Variants in CLVS1 observed in about 807,000 individuals in gnomAD.
CLVS1 encodes the protein clavesin-1.
Under a neutral mutation model 33.1 loss-of-function variants are expected in CLVS1, and 10 were observed. The observed-to-expected ratio is 0.30, with a 90% CI of 0.19 to 0.51. CLVS1 has a LOEUF of 0.51. CLVS1 is among the 20% of genes least tolerant of loss of function. The probability of loss-of-function intolerance (pLI) is 0.97; values close to 1 mark genes in which losing one functional copy is unlikely to be tolerated. For missense variants in CLVS1, 343 were observed against 433.4 expected, an observed-to-expected ratio of 0.79 and a Z score of 1.85; for synonymous variants, 163 against 166.1, an observed-to-expected ratio of 0.98 and a Z score of 0.14.
rs969185164 is a variant in CLVS1 at position 61,386,126 on chromosome 8, T to C, written c.630+9347T>C. ...TCTTTATGAGCAAGAACTGAGGGGA[T>C]TGGACTGCAGCAGTGGTTCTCATAC... On this transcript the variant is annotated intron_variant, in intron 3 of 5. Coordinates refer to ENST00000325897, the MANE Select transcript of CLVS1 (RefSeq NM_173519.3). 8.5e-5 allele frequency among the ~76,000 whole-genome samples: 13 copies of C among 152,178 alleles called. No homozygotes were observed. In the South Asian group the frequency reaches 1.9e-3, roughly 22 times the overall value.
At chr8:61,202,773 G>T (rs888115250) in intron 2 of CLVS1, 2 of 1,551,336 alleles carry the variant, frequency 1.3e-6, no homozygotes, top group Non-Finnish European at 1.8e-6. Context: ...TATCTGGAAA[G>T]CGATCTGCCC....
intron 5 of CLVS1, among the ~76,000 whole-genome samples, chr8:61,480,426 T>C (rs1818142208): frequency 6.6e-6 from 1 of 152,152 alleles, no homozygotes; most frequent in Admixed American, 6.5e-5. Context: ...GTTAAGCCCA[T>C]TGGAAAAGCG....
chr8:61,442,386 G>A (rs550246884), intron 3 of CLVS1, among the ~76,000 whole-genome samples: 17 of 152,142 alleles, frequency 1.1e-4, no homozygotes, highest in Non-Finnish European at 2.2e-4. Context: ...ATTACAAATA[G>A]AGCTGCTGTG....
At chr8:61,231,029 G>T (rs1306544511) in intron 2 of CLVS1, among the ~76,000 whole-genome samples, 1 of 152,030 alleles carries the variant, frequency 6.6e-6, no homozygotes, top group Non-Finnish European at 1.5e-5. Flanking sequence ...CATCACCTTG[G>T]GGATTAGGTT....
chr8:61,067,569 TA>T (rs1356413632), intron 1 of CLVS1, among the ~76,000 whole-genome samples: 1 of 151,892 alleles, frequency 6.6e-6, no homozygotes, highest in Non-Finnish European at 1.5e-5. Flanking sequence ...AACTATTTTT[TA>T]AAAAGCTAAC....
intron 2 of CLVS1, among the ~76,000 whole-genome samples, chr8:61,205,992 T>C (rs1563444603): frequency 6.6e-6 from 1 of 152,194 alleles, no homozygotes; most frequent in Non-Finnish European, 1.5e-5. Flanking sequence ...AGAATATGTC[T>C]AGTTAGCAAA....
At chr8:61,488,254 G>T (rs919193523) in intron 5 of CLVS1, among the ~76,000 whole-genome samples, 10 of 152,110 alleles carry the variant, frequency 6.6e-5, no homozygotes, top group African/African-American at 2.2e-4. Flanking sequence ...AAACCTATAC[G>T]CATAGAATTT....
the CLVS1 span, among the ~76,000 whole-genome samples, chr8:61,016,660 T>C: frequency 6.6e-6 from 1 of 152,234 alleles, no homozygotes; most frequent in Admixed American, 6.5e-5. Context: ...GAAAACTGCA[T>C]GTGCATACAT....
At chr8:60,996,168 A>T in the CLVS1 span, among the ~76,000 whole-genome samples, 1 of 152,254 alleles carries the variant, frequency 6.6e-6, no homozygotes, top group Non-Finnish European at 1.5e-5. Context: ...ATAATAAAAA[A>T]AAAATTCTTT....
chr8:61,163,846 G>A (rs963062080), intron 2 of CLVS1, among the ~76,000 whole-genome samples: 1 of 152,216 alleles, frequency 6.6e-6, no homozygotes, highest in African/African-American at 2.4e-5. Context: ...CAGATCTGGA[G>A]GGGTGGAAGT....
chr8:61,296,666 G>A (rs1810222800), intron 1 of CLVS1, among the ~76,000 whole-genome samples: 1 of 152,174 alleles, frequency 6.6e-6, no homozygotes, highest in Admixed American at 6.5e-5. Flanking sequence ...CTCATTTAAG[G>A]ATAAACTGTC....
At chr8:61,209,918 C>A (rs745548851) in intron 2 of CLVS1, among the ~76,000 whole-genome samples, 25 of 152,110 alleles carry the variant, frequency 1.6e-4, no homozygotes, top group Non-Finnish European at 3.5e-4. Context: ...GATGTAACTC[C>A]CATGATTTGA....
chr8:61,098,084 C>T (rs1805384459), intron 1 of CLVS1, among the ~76,000 whole-genome samples: 1 of 152,066 alleles, frequency 6.6e-6, no homozygotes, highest in South Asian at 2.1e-4. Flanking sequence ...TGCTTGATCC[C>T]AGGAGTATGA....
At chr8:61,330,257 A>G (rs1463857137) in intron 2 of CLVS1, among the ~76,000 whole-genome samples, 1 of 152,190 alleles carries the variant, frequency 6.6e-6, no homozygotes, top group Non-Finnish European at 1.5e-5. Flanking sequence ...AAGAAACCTC[A>G]TGGTAAAGAA....
intron 2 of CLVS1, among the ~76,000 whole-genome samples, chr8:61,331,144 G>A (rs1811576833): frequency 6.6e-6 from 1 of 152,132 alleles, no homozygotes; most frequent in Non-Finnish European, 1.5e-5. Flanking sequence ...AAATTTGTAG[G>A]TTGGAAATTG....
chr8:61,249,593 A>G (rs1210389115), intron 2 of CLVS1, among the ~76,000 whole-genome samples: 1 of 152,114 alleles, frequency 6.6e-6, no homozygotes, highest in African/African-American at 2.4e-5. Context: ...TTATTTCCTG[A>G]CTTTTTAATG....
intron 3 of CLVS1, among the ~76,000 whole-genome samples, chr8:61,414,866 C>T (rs549058101): frequency 6.6e-6 from 1 of 152,326 alleles, no homozygotes; most frequent in South Asian, 2.1e-4. Flanking sequence ...CCTGCCTCTG[C>T]TCTAGGTTTT....
At chr8:61,019,321 G>A in the CLVS1 span, among the ~76,000 whole-genome samples, 1 of 152,164 alleles carries the variant, frequency 6.6e-6, no homozygotes, top group Non-Finnish European at 1.5e-5. Flanking sequence ...CCTGAGGCAC[G>A]CACACCTTTG....
At chr8:61,048,998 A>G in the CLVS1 span, among the ~76,000 whole-genome samples, 1 of 152,242 alleles carries the variant, frequency 6.6e-6, no homozygotes, top group East Asian at 1.9e-4. Context: ...TGGAGCCACC[A>G]GAAGGGTCCA....
Sources: allele counts gnomAD v4.1 joint callset (sites outside exome capture counted in the v4.1 genomes callset), GRCh38; gene constraint gnomAD v4.1.1; transcripts MANE v1.5; gene names NCBI Gene and HGNC (gene_info 2026-07-23, HGNC 2026-07-21).